Variants in SETBP1 observed in about 807,000 individuals in gnomAD.
SETBP1 encodes the protein SET binding protein 1, also known as SET-binding protein.
A neutral mutation model predicts 101.0 loss-of-function variants in SETBP1; 9 were observed. The ratio of observed to expected loss-of-function variants is 0.09; its 90% CI spans 0.05 to 0.16. The LOEUF (loss-of-function observed/expected upper bound fraction) is 0.16. Among genes scored for constraint, SETBP1 ranks in the 10% least tolerant of loss-of-function variants. SETBP1 has a pLI of 1.00. For missense variants in SETBP1, 1,858 were observed against 2,033.8 expected, an observed-to-expected ratio of 0.91 and a Z score of 1.66; for synonymous variants, 818 against 788.5, an observed-to-expected ratio of 1.04 and a Z score of -0.63.
At chr18:44,861,966 T>C (rs1356372335) in intron 2 of SETBP1, among the ~76,000 whole-genome samples, 1 of 152,176 alleles carries the variant, frequency 6.6e-6, no homozygotes, top group East Asian at 1.9e-4. Flanking sequence ...TCTCAGTGAG[T>C]CTATATCAGG....
intron 3 of SETBP1, among the ~76,000 whole-genome samples, chr18:44,878,500 T>C (rs2069460161): frequency 6.6e-6 from 1 of 152,238 alleles, no homozygotes. Context: ...TATTTTCCTG[T>C]GTCTAAAATG....
Position 45,063,780 on chromosome 18 carries a change from C to T in SETBP1, c.*82C>T, listed in dbSNP as rs1440516018. The T allele has an allele frequency of 1.4e-6, 2 of 1,465,606 alleles. No individual in the cohort carries two copies. Among genetic ancestry groups the T allele is most frequent in the African/African-American group, 1.4e-5 (1 of 70,092 alleles). 90.8% of individuals were successfully genotyped at this position (1,465,606 alleles called of 1,614,324 possible). A position where few individuals can be genotyped will look rare whatever the true frequency, so the allele number is the denominator to read the frequency against. On this transcript the variant is annotated 3_prime_UTR_variant, in exon 6 of 6. Coordinates refer to ENST00000649279, the MANE Select transcript of SETBP1 (RefSeq NM_015559.3). ...TGAGCCGGGGCGGGGGCGGAATCCCCCGCTGCAGGGACACCCACGCCCTTC... is the reference window on the plus strand; with the variant it reads ...TGAGCCGGGGCGGGGGCGGAATCCCTCGCTGCAGGGACACCCACGCCCTTC...
intron 4 of SETBP1, among the ~76,000 whole-genome samples, chr18:44,997,998 C>A (rs925840790): frequency 6.6e-5 from 10 of 152,178 alleles, no homozygotes; most frequent in African/African-American, 2.4e-4. Context: ...GAATCTTTAG[C>A]ACATATTGTA....
At chr18:44,691,354 AC>A (rs1366985952) in intron 1 of SETBP1, among the ~76,000 whole-genome samples, 1 of 149,180 alleles carries the variant, frequency 6.7e-6, no homozygotes, top group Non-Finnish European at 1.5e-5. Context: ...ATGTTTAACC[AC>A]CCCCCGCCCC....
At chr18:44,848,391 G>A (rs1022661240) in intron 2 of SETBP1, among the ~76,000 whole-genome samples, 1 of 152,206 alleles carries the variant, frequency 6.6e-6, no homozygotes, top group Non-Finnish European at 1.5e-5. Flanking sequence ...CTATGGAAGT[G>A]TCATCAAAGG....
chr18:45,013,434 C>CTTTCTTTCTTTCTTTCTTTCTTTCT lies in SETBP1; in HGVS notation c.4001-25048_4001-25047insCTTTCTTTCTTTCTTTCTTTCTTTT, dbSNP rs573114558. On this transcript the variant is annotated intron_variant, in intron 4 of 5. Transcript: ENST00000649279. ...TGACTCTTTCTTTCTTTCTTTCTTT[C>CTTTCTTTCTTTCTTTCTTTCTTTCT]TTTTTTTTTGTTTTTTGTTTTTTGA... Among the ~76,000 whole-genome samples the CTTTCTTTCTTTCTTTCTTTCTTTCT allele has an allele frequency of 3.0e-3, 451 of 150,476 alleles. 3 individuals carry two copies. The highest frequency in any genetic ancestry group is 9.7e-3 in the African/African-American group (393 of 40,630).
intron 3 of SETBP1, among the ~76,000 whole-genome samples, chr18:44,875,888 T>C (rs555593626): frequency 2.5e-4 from 38 of 152,336 alleles, no homozygotes; most frequent in Non-Finnish European, 5.3e-4. Flanking sequence ...TAACCACTTA[T>C]GCTACGCCAT....
At chr18:44,835,223 G>A (rs1409198302) in intron 2 of SETBP1, among the ~76,000 whole-genome samples, 1 of 152,050 alleles carries the variant, frequency 6.6e-6, no homozygotes, top group Non-Finnish European at 1.5e-5. Flanking sequence ...CTCTCCCTGG[G>A]GCCACTCCCC....
chr18:44,992,255 A>T (rs1487634367), intron 4 of SETBP1, among the ~76,000 whole-genome samples: 1 of 152,134 alleles, frequency 6.6e-6, no homozygotes, highest in African/African-American at 2.4e-5. Context: ...ATGTATAAAG[A>T]TAAAAACAAA....
chr18:44,964,208 A>G (rs2071674082), intron 4 of SETBP1, among the ~76,000 whole-genome samples: 1 of 152,124 alleles, frequency 6.6e-6, no homozygotes, highest in African/African-American at 2.4e-5. Context: ...GTGCTGTTAT[A>G]TTTTTACTTT....
At chr18:44,843,282 G>C (rs554767778) in intron 2 of SETBP1, among the ~76,000 whole-genome samples, 1 of 152,294 alleles carries the variant, frequency 6.6e-6, no homozygotes, top group African/African-American at 2.4e-5. Flanking sequence ...TCTCTCCTTT[G>C]AACCACTCAG....
intron 3 of SETBP1, chr18:44,870,321 A>T (rs1376437221): frequency 6.6e-6 from 1 of 152,338 alleles, no homozygotes; most frequent in South Asian, 2.1e-4. Flanking sequence ...GAGGAACCTG[A>T]GGACCCAGTC....
At chr18:44,697,205 GC>G (rs780473919) in intron 1 of SETBP1, 4 of 152,222 alleles carry the variant, frequency 2.6e-5, no homozygotes, top group Non-Finnish European at 4.4e-5. Flanking sequence ...TTTTGGCAGG[GC>G]TGAATCACAA....
chr18:44,826,997 C>A (rs1400010015), intron 2 of SETBP1, among the ~76,000 whole-genome samples: 4 of 152,164 alleles, frequency 2.6e-5, no homozygotes, highest in Admixed American at 6.5e-5. Context: ...GCTAAGAATG[C>A]CATGGGAGAG....
intron 4 of SETBP1, among the ~76,000 whole-genome samples, chr18:45,026,196 C>T (rs2145437492): frequency 6.6e-6 from 1 of 152,342 alleles, no homozygotes; most frequent in South Asian, 2.1e-4. Flanking sequence ...GCTTGTATCA[C>T]ATCTGGCATT....
rs575401701 is a variant in SETBP1, at chr18:44,781,594, G to C, written c.486+79762G>C. Among the ~76,000 whole-genome samples the C allele has an allele frequency of 9.8e-4, 146 of 149,428 alleles. 1 individual carries two copies. Among genetic ancestry groups the C allele is most frequent in the African/African-American group, 3.5e-3 (143 of 40,516 alleles). Reference sequence around the variant, plus strand: ...TCCCTATTGCCTAACACAGTTCCAGGCATAAAAAATGCCTAATCAATGTTT... The same window carrying C: ...TCCCTATTGCCTAACACAGTTCCAGCCATAAAAAATGCCTAATCAATGTTT... On this transcript the variant is annotated intron_variant, in intron 2 of 5. Coordinates refer to ENST00000649279, the MANE Select transcript of SETBP1 (RefSeq NM_015559.3).
At chr18:44,981,155 G>A (rs540045848) in intron 4 of SETBP1, among the ~76,000 whole-genome samples, 3 of 152,302 alleles carry the variant, frequency 2.0e-5, no homozygotes, top group South Asian at 2.1e-4. Context: ...ATAATTCTGC[G>A]TGATCTTCAA....
At chr18:44,684,229 G>A (rs1191765601) in intron 1 of SETBP1, among the ~76,000 whole-genome samples, 2 of 152,190 alleles carry the variant, frequency 1.3e-5, no homozygotes, top group Admixed American at 1.3e-4. Flanking sequence ...GCTTCTTTTA[G>A]AGTGGTTTTT....
intron 2 of SETBP1, among the ~76,000 whole-genome samples, chr18:44,816,621 G>A (rs2071984483): frequency 6.6e-6 from 1 of 152,166 alleles, no homozygotes. Context: ...AAGGGGCGTA[G>A]CCTTTCCGTG....
Sources: allele counts gnomAD v4.1 joint callset (sites outside exome capture counted in the v4.1 genomes callset), GRCh38; gene constraint gnomAD v4.1.1; transcripts MANE v1.5; gene names NCBI Gene and HGNC (gene_info 2026-07-23, HGNC 2026-07-21).